Variants in FAM13B observed in about 807,000 individuals in gnomAD.
FAM13B encodes the protein protein FAM13B.
FAM13B carries 60 observed loss-of-function variants against 117.3 expected under a neutral mutation model. The observed-to-expected ratio is 0.51, with a 90% CI of 0.42 to 0.63. The LOEUF is 0.63. Among genes scored for constraint, FAM13B ranks in the 30% least tolerant of loss-of-function variants. The probability of loss-of-function intolerance (pLI) is 0.00; values close to 1 mark genes in which losing one functional copy is unlikely to be tolerated. For synonymous variants in FAM13B, 332 were observed against 356.1 expected (o/e 0.93, Z 0.76); for missense variants, 972 against 1,091.9 (o/e 0.89, Z 1.55).
At chr5:138,052,071 G>A (rs1791814580), upstream of FAM13B, 1 of 152,058 alleles carries the variant, frequency 6.6e-6, no homozygotes, top group South Asian at 2.1e-4. Flanking sequence ...GAAACACCAA[G>A]AAACATGGAG....
At position 137,939,201 on chromosome 5, in the gene FAM13B, G is replaced by T. The variant is rs1760968304; in HGVS notation, c.*1024C>A. 1 of 152,348 alleles carries T rather than the reference G, an allele frequency of 6.6e-6. No individual in the cohort carries two copies. The highest frequency in any genetic ancestry group is 2.4e-5 in the African/African-American group (1 of 41,392). 9.4% of individuals were successfully genotyped at this position (152,348 alleles called of 1,614,324 possible). On this transcript the variant is annotated 3_prime_UTR_variant, in exon 24 of 24. Coordinates refer to ENST00000689681, the MANE Select transcript of FAM13B (RefSeq NM_001385994.1). ...GCGTTGTTGTCGTTGTTTTGGTATG[G>T]ATTTTGCTGATTAAAATAGGAGGGG...
intron 10 of FAM13B, among the ~76,000 whole-genome samples, chr5:137,965,822 G>A (rs1013130783): frequency 3.3e-5 from 5 of 152,132 alleles, no homozygotes; most frequent in Non-Finnish European, 5.9e-5. Flanking sequence ...CAGTTTCTCA[G>A]TGTTTGCAAG....
chr5:137,941,842 T>C (rs1761949857), intron 23 of FAM13B, 102 bp downstream of exon 23: 5 of 967,714 alleles, frequency 5.2e-6, no homozygotes, highest in Non-Finnish European at 7.9e-6. Context: ...GCTAGCATCC[T>C]ATATGCACAA....
At chr5:137,954,555 T>TAA (rs1554116774) in intron 14 of FAM13B, 179 bp from the exon 15 acceptor site, 17 of 323,476 alleles carry the variant, frequency 5.3e-5, no homozygotes, top group African/African-American at 3.7e-4. Flanking sequence ...TATATATATA[T>TAA]AATCTTCATA....
chr5:137,968,389 C>A (rs1034046073), intron 10 of FAM13B, among the ~76,000 whole-genome samples: 2 of 147,252 alleles, frequency 1.4e-5, no homozygotes, highest in Non-Finnish European at 3.0e-5. Flanking sequence ...TGCAGCAAAC[C>A]GAGATCATGC....
chr5:137,944,177 G>A lies in FAM13B; in HGVS notation c.2341-961C>T, dbSNP rs908097951. Among the ~76,000 whole-genome samples, 10 of 152,192 alleles carry A rather than the reference G, an allele frequency of 6.6e-5. No homozygotes were observed. In the East Asian group the frequency reaches 1.9e-3, roughly 29 times the overall value. Reference sequence around the variant, plus strand: ...CAGCTTGTTTCCAAGGTTCACCCATGTTGTGGCATCTATTATTATTTCATT... The same window carrying A: ...CAGCTTGTTTCCAAGGTTCACCCATATTGTGGCATCTATTATTATTTCATT... On this transcript the variant is annotated intron_variant, in intron 20 of 23. Transcript: ENST00000689681.
At chr5:137,948,870 T>C (rs1434237334) in intron 18 of FAM13B, 85 bp downstream of exon 18, 2 of 1,012,514 alleles carry the variant, frequency 2.0e-6, no homozygotes, top group East Asian at 2.4e-5. Flanking sequence ...TCAGACTACC[T>C]AGACATCTCT....
At chr5:138,046,334 TA>T (rs752667803) in intron 1 of FAM13B, among the ~76,000 whole-genome samples, 40 of 152,232 alleles carry the variant, frequency 2.6e-4, no homozygotes, top group Non-Finnish European at 5.1e-4. Flanking sequence ...CACAGAGTAG[TA>T]ACTGCCAAGC....
intron 23 of FAM13B, 36 bp downstream of exon 23, chr5:137,941,908 A>G: frequency 6.6e-7 from 1 of 1,515,660 alleles, no homozygotes; most frequent in Non-Finnish European, 9.1e-7. Flanking sequence ...TGAGTTAGAG[A>G]AGAAAGATGA....
At chr5:138,048,762 A>G (rs1206068789) in intron 1 of FAM13B, among the ~76,000 whole-genome samples, 1 of 152,136 alleles carries the variant, frequency 6.6e-6, no homozygotes, top group Non-Finnish European at 1.5e-5. Flanking sequence ...CAAATTGTAT[A>G]TATGCATTAC....
upstream of FAM13B, chr5:138,033,102 C>T: frequency 5.0e-6 from 3 of 603,108 alleles, no homozygotes; most frequent in Non-Finnish European, 6.1e-6. Flanking sequence ...CCGGGCCGGA[C>T]GTGACGTGCG....
chr5:138,029,629 T>C, intron 1 of FAM13B, among the ~76,000 whole-genome samples: 1 of 152,172 alleles, frequency 6.6e-6, no homozygotes, highest in East Asian at 1.9e-4. Context: ...ACGTGACCAG[T>C]GTTTGCTCCA....
rs1761223610 is a variant in FAM13B, at chr5:137,940,211, TCAAGGAACGTATC to T, written c.*1_*13del. 1 of 1,614,008 alleles carries T rather than the reference TCAAGGAACGTATC, an allele frequency of 6.2e-7. No homozygotes were observed. The highest frequency in any genetic ancestry group is 1.3e-5 in the African/African-American group (1 of 75,052). On this transcript the variant is annotated 3_prime_UTR_variant, in exon 24 of 24. Coordinates refer to ENST00000689681, the MANE Select transcript of FAM13B (RefSeq NM_001385994.1). ...ACAACTGACTTTATGATATGAATTT[TCAAGGAACGTATC>T]TTATATGGATTTTGAAGAATCTTGT...
chr5:138,010,957 TAAAAAAAAAAAA>T lies in FAM13B; in HGVS notation c.690+39_690+50del, dbSNP rs35163730. ...CAAGTCTTTAAGAGCATATTATTCT[TAAAAAAAAAAAA>T]AAAAAAAAAAATTATCCCTCCAAAT... On this transcript the variant is annotated intron_variant, in intron 6 of 23. Transcript: ENST00000689681. The T allele has an allele frequency of 4.6e-6, 5 of 1,079,182 alleles. No individual in the cohort carries two copies. The African/African-American group carries it at 9.7e-5, about 21-fold the overall frequency. The allele number at this position is 1,079,182 out of a possible 1,614,324, so 66.9% of individuals were successfully genotyped here.
chr5:137,953,891 C>T (rs534340124), intron 15 of FAM13B, among the ~76,000 whole-genome samples: 2 of 152,266 alleles, frequency 1.3e-5, no homozygotes, highest in African/African-American at 2.4e-5. Context: ...GAATAATACA[C>T]CACGAGAAAA....
intron 7 of FAM13B, 115 bp downstream of exon 7, chr5:138,006,875 C>A (rs992972485): frequency 3.8e-6 from 4 of 1,066,124 alleles, no homozygotes; most frequent in Non-Finnish European, 5.2e-6. Context: ...CTCTTTTTCA[C>A]ACACAAATGC....
At chr5:137,965,652 C>A (rs1368197512) in intron 10 of FAM13B, among the ~76,000 whole-genome samples, 1 of 152,184 alleles carries the variant, frequency 6.6e-6, no homozygotes, top group Admixed American at 6.5e-5. Flanking sequence ...TATTGATATA[C>A]TTCTATCTAG....
chr5:137,945,026 T>C (rs1763065609), intron 20 of FAM13B, among the ~76,000 whole-genome samples: 1 of 152,014 alleles, frequency 6.6e-6, no homozygotes, highest in Non-Finnish European at 1.5e-5. Context: ...ACAGGATTAT[T>C]TGTACCCCAA....
chr5:137,957,667 A>T (rs894764844), intron 13 of FAM13B, among the ~76,000 whole-genome samples: 1 of 152,146 alleles, frequency 6.6e-6, no homozygotes. Context: ...TGCACAGTTC[A>T]TGGCTGGGAA....
Sources: gnomAD v4.1 joint callset for allele counts (sites outside exome capture counted in the v4.1 genomes callset) on GRCh38, gnomAD v4.1.1 for gene constraint, MANE v1.5 for transcripts, NCBI Gene and HGNC (gene_info 2026-07-23, HGNC 2026-07-21) for gene names.